Variants in CPZ observed in about 807,000 individuals in gnomAD.
CPZ encodes VEZT/CPZ fusion.
In CPZ, 103 loss-of-function variants were observed where a neutral mutation model predicts 61.8. The observed-to-expected ratio is 1.67, with a 90% CI of 1.42 to 1.96. CPZ has a LOEUF of 1.96. Among genes scored for constraint, CPZ ranks in the 30% most tolerant of loss-of-function variants. The pLI is 0.00. For missense variants in CPZ, 1,461 were observed against 914.9 expected, an observed-to-expected ratio of 1.60 and a Z score of -7.70; for synonymous variants, 551 against 373.7, an observed-to-expected ratio of 1.47 and a Z score of -5.47.
In CPZ at chr4:8,614,517, AGGGCTCT is replaced by A. The variant is rs1351110661; in HGVS notation, c.1503+22_1503+28del. 6.2e-7 allele frequency: 1 copy of A among 1,610,772 alleles called. No homozygotes were observed. The highest frequency in any genetic ancestry group is 1.3e-5 in the African/African-American group (1 of 75,030). The stretch of plus-strand genomic sequence containing the variant: ...GGAGACGGTGAGTTCTGACGGTCTC[AGGGCTCT>A]GGTCCAGCTGTGGCCTGGGTGGGGT... On this transcript the variant is annotated intron_variant, in intron 9 of 10. Transcript: ENST00000360986.
chr4:8,616,640 C>G (rs1474613008), intron 9 of CPZ, among the ~76,000 whole-genome samples: 1 of 152,168 alleles, frequency 6.6e-6, no homozygotes, highest in East Asian at 1.9e-4. Context: ...TGAGGGTATT[C>G]TTAGCAGAGA....
rs573928159 is a variant in CPZ at position 8,608,871 on chromosome 4, G to A, written c.1227+1446G>A. ...AGCCGGGTGCAGGGGCCCATGCCGA[G>A]TGCTGTGGCCCAGCAGGAATGGGGA... On this transcript the variant is annotated intron_variant, in intron 7 of 10. Coordinates refer to ENST00000360986, the MANE Select transcript of CPZ (RefSeq NM_001014447.3). Among the ~76,000 whole-genome samples the A allele has an allele frequency of 3.3e-5, 5 of 152,306 alleles. No homozygotes were observed. In the South Asian group the frequency reaches 8.3e-4, roughly 25 times the overall value.
rs144042196 is a variant in CPZ at position 8,619,523 on chromosome 4, G to T, written c.1865G>T (p.Arg622Leu). Residue 622 changes from arginine to leucine, a missense_variant, in exon 11 of 11, where the codon CGC becomes CTC. By Grantham distance (102) the Arg-to-Leu change is moderately radical. Coordinates refer to ENST00000360986, the MANE Select transcript of CPZ (RefSeq NM_001014447.3). Reference sequence around the variant, plus strand: ...ACGGAGCCCGACCCGCTCCGGGCGCGCAGGCAGCCCTCGGCCGACGGGAGT... The same window carrying T: ...ACGGAGCCCGACCCGCTCCGGGCGCTCAGGCAGCCCTCGGCCGACGGGAGT... ...EATEPDPLRA[R>L]RQPSADGSKP... The T allele has an allele frequency of 3.0e-5, 48 of 1,592,716 alleles. No homozygotes were observed. Among genetic ancestry groups the T allele is most frequent in the Non-Finnish European group, 4.0e-5 (47 of 1,168,082 alleles).
intron 8 of CPZ, among the ~76,000 whole-genome samples, chr4:8,614,037 T>G (rs974341430): frequency 2.2e-4 from 34 of 152,264 alleles, no homozygotes; most frequent in African/African-American, 7.7e-4. Flanking sequence ...CCAAGCGGCC[T>G]GAGCTCAAGA....
chr4:8,601,438 GC>G lies in CPZ; in HGVS notation c.439del (p.His147ThrfsTer51). The G allele has an allele frequency of 6.4e-7, 1 of 1,552,828 alleles. No homozygotes were observed. Among genetic ancestry groups the G allele is most frequent in the South Asian group, 1.2e-5 (1 of 84,546 alleles). On this transcript the variant is annotated frameshift_variant, in exon 3 of 11. Coordinates refer to ENST00000360986, the MANE Select transcript of CPZ (RefSeq NM_001014447.3). LOFTEE classifies it high-confidence loss of function. ...ATGGCCTGGCCCTACTTCCTTGACT[GC>G]CACCGCTACTTCACGAGAGAGGACG... Reference protein sequence around the residue: ...IDMAWPYFLDCHRYFTREDEG... With the variant: ...IDMAWPYFLDXHRYFTREDEG...
At chr4:8,612,186 T>TCGGGTGGGGGGG in intron 8 of CPZ, 24 bp downstream of exon 8, 1 of 179,708 alleles carries the variant, frequency 5.6e-6, no homozygotes, top group East Asian at 1.1e-4. Context: ...AGGGCGGGAC[T>TCGGGTGGGGGGG]GGGCGGGGGG....
At position 8,612,110 on chromosome 4, in the gene CPZ, C is replaced by T. The variant is rs1206415851; in HGVS notation, c.1311C>T (p.Phe437=). The part of the protein sequence containing the change: ...DRSENRCGGN[F]LKRGSIINGA... ...CGGAGAATAGGTGTGGAGGCAATTT[C>T]CTGAAGAGGGGGAGCATCATCAACG... The change falls in exon 8 of 11, where the codon TTC becomes TTT. Residue 437 remains phenylalanine, a synonymous_variant. Coordinates refer to ENST00000360986, the MANE Select transcript of CPZ (RefSeq NM_001014447.3). The T allele has an allele frequency of 1.9e-6, 3 of 1,611,720 alleles. No individual in the cohort carries two copies. Among genetic ancestry groups the T allele is most frequent in the East Asian group, 4.5e-5 (2 of 44,470 alleles).
intron 3 of CPZ, chr4:8,602,334 G>A (rs1388642270): frequency 6.6e-6 from 1 of 152,294 alleles, no homozygotes; most frequent in Non-Finnish European, 1.5e-5. Context: ...GTTCTATTGT[G>A]TTCTGTCCAA....
At chr4:8,601,532 G>T (rs1714576521) in intron 3 of CPZ, 35 bp downstream of exon 3, 1 of 1,430,658 alleles carries the variant, frequency 7.0e-7, no homozygotes. Flanking sequence ...TGTGGTCATG[G>T]GGTCCAGGTG....
At chr4:8,609,215 T>C (rs1406821979) in intron 7 of CPZ, among the ~76,000 whole-genome samples, 4 of 39,608 alleles carry the variant, frequency 1.0e-4, no homozygotes, top group African/African-American at 1.3e-4. Context: ...CACTTACTCA[T>C]TCACTTACTC....
chr4:8,618,207 C>G (rs1716363118), intron 9 of CPZ: 1 of 567,428 alleles, frequency 1.8e-6, no homozygotes, highest in Admixed American at 3.1e-5. Flanking sequence ...TTCAAAAGCC[C>G]AGAACGTGCT....
chr4:8,608,395 C>T (rs1715235621), intron 7 of CPZ, among the ~76,000 whole-genome samples: 1 of 152,182 alleles, frequency 6.6e-6, no homozygotes, highest in Non-Finnish European at 1.5e-5. Flanking sequence ...CCGGGCCCCT[C>T]ATAACAGCAG....
Position 8,609,352 on chromosome 4 carries a change from T to G in CPZ, c.1227+1927T>G, listed in dbSNP as rs1304466240. On this transcript the variant is annotated intron_variant, in intron 7 of 10. Coordinates refer to ENST00000360986, the MANE Select transcript of CPZ (RefSeq NM_001014447.3). ...ACTTTTTCACTCACTCATTCTCTCA[T>G]TCATTCACTCACAAACTCATTCACT... Among the ~76,000 whole-genome samples the G allele has an allele frequency of 4.0e-5, 6 of 148,512 alleles. No homozygotes were observed. In the East Asian group the frequency reaches 1.2e-3, roughly 30 times the overall value.
rs765895956 is a variant in CPZ, at chr4:8,607,393, GAGA to G, written c.1199_1201del (p.Lys400del). 1.2e-4 allele frequency: 197 copies of G among 1,614,078 alleles called. No individual in the cohort carries two copies. Among genetic ancestry groups the G allele is most frequent in the African/African-American group, 4.4e-4 (33 of 75,046 alleles). ...CGACTTCTCCAAGCACCCCCAGGAG[GAGA>G]AGATGTTTTCTCCCACGCCCGACGA... On this transcript the variant is annotated inframe_deletion, in exon 7 of 11. Transcript: ENST00000360986.
At chr4:8,616,048 A>G (rs1367417142) in intron 9 of CPZ, among the ~76,000 whole-genome samples, 1 of 152,150 alleles carries the variant, frequency 6.6e-6, no homozygotes, top group African/African-American at 2.4e-5. Flanking sequence ...GGAGCCTCGG[A>G]TGTGGCTGGC....
chr4:8,618,371 C>A, intron 9 of CPZ, 58 bp from the exon 10 acceptor site: 1 of 1,552,246 alleles, frequency 6.4e-7, no homozygotes, highest in Non-Finnish European at 8.9e-7. Flanking sequence ...AGCTGACGGC[C>A]TCCACGCTCA....
chr4:8,606,305 C>G, intron 5 of CPZ, 120 bp downstream of exon 5: 1 of 1,010,568 alleles, frequency 9.9e-7, no homozygotes, highest in South Asian at 1.6e-5. Context: ...GAGGAGCATT[C>G]AGCAGGTGTC....
At chr4:8,617,776 T>G (rs1361969253) in intron 9 of CPZ, among the ~76,000 whole-genome samples, 1 of 152,158 alleles carries the variant, frequency 6.6e-6, no homozygotes, top group Non-Finnish European at 1.5e-5. Context: ...TTCTGCTGAC[T>G]AGAGCAGGGG....
intron 1 of CPZ, among the ~76,000 whole-genome samples, chr4:8,593,607 G>T (rs538001051): frequency 6.6e-6 from 1 of 152,318 alleles, no homozygotes; most frequent in East Asian, 1.9e-4. Flanking sequence ...CTAGCCAACC[G>T]TGCTCAGGAC....
Sources: allele counts gnomAD v4.1 joint callset (sites outside exome capture counted in the v4.1 genomes callset), GRCh38; gene constraint gnomAD v4.1.1; transcripts MANE v1.5; gene names NCBI Gene and HGNC (gene_info 2026-07-23, HGNC 2026-07-21).